The following MCMBP variants were observed in gnomAD, a reference collection of about 807,000 sequenced individuals.
The protein encoded by MCMBP is minichromosome maintenance complex binding protein.
A neutral mutation model predicts 81.3 loss-of-function variants in MCMBP; 31 were observed. The ratio of observed to expected loss-of-function variants is 0.38; its 90% CI spans 0.29 to 0.51. The LOEUF (loss-of-function observed/expected upper bound fraction) is 0.51. MCMBP is among the 20% of genes least tolerant of loss of function. MCMBP has a pLI of 0.87. For synonymous variants in MCMBP, 267 were observed against 275.9 expected, an observed-to-expected ratio of 0.97 and a Z score of 0.32; for missense variants, 645 against 772.1, an observed-to-expected ratio of 0.84 and a Z score of 1.95.
At chr10:119,839,772 T>C (rs1198119279) in intron 11 of MCMBP, among the ~76,000 whole-genome samples, 2 of 152,212 alleles carry the variant, frequency 1.3e-5, no homozygotes, top group Admixed American at 6.5e-5. Flanking sequence ...GAAAATCTCA[T>C]GTGGACAGTT....
At chr10:119,858,779 T>A in intron 4 of MCMBP, 105 bp downstream of exon 4, 1 of 888,910 alleles carries the variant, frequency 1.1e-6, no homozygotes, top group Non-Finnish European at 1.7e-6. Flanking sequence ...CATGATTTCT[T>A]GTAACTTATA....
At chr10:119,835,038 G>C (rs1852191463) in intron 14 of MCMBP, among the ~76,000 whole-genome samples, 1 of 152,174 alleles carries the variant, frequency 6.6e-6, no homozygotes, top group South Asian at 2.1e-4. Flanking sequence ...AAATAGTACA[G>C]AAGTCTTTTC....
chr10:119,841,072 T>C lies in MCMBP; in HGVS notation c.1125-112A>G, dbSNP rs557603452. On this transcript the variant is annotated intron_variant, in intron 10 of 15. Coordinates refer to ENST00000369077, the MANE Select transcript of MCMBP (RefSeq NM_001256378.2). ...TATTGTCATTAAAAATAAACCAGAA[T>C]ATTCTGACCAGTTATTTTATCAGAA... 1.0e-5 allele frequency: 7 copies of C among 702,820 alleles called. No individual in the cohort carries two copies. In the Admixed American group the frequency reaches 1.5e-4, roughly 15 times the overall value. 43.5% of individuals were successfully genotyped at this position (702,820 alleles called of 1,614,324 possible). A position where few individuals can be genotyped will look rare whatever the true frequency, so the allele number is the denominator to read the frequency against.
intron 1 of MCMBP, among the ~76,000 whole-genome samples, chr10:119,870,940 C>G (rs1400168558): frequency 6.6e-6 from 1 of 152,180 alleles, no homozygotes; most frequent in Non-Finnish European, 1.5e-5. Context: ...TAAGTTACAT[C>G]CTTCCTGTAC....
chr10:119,867,743 T>C (rs191660246), intron 1 of MCMBP, among the ~76,000 whole-genome samples: 199 of 152,330 alleles, frequency 1.3e-3, no homozygotes, highest in African/African-American at 4.4e-3. Flanking sequence ...TCCTGCTAGC[T>C]TTCCAGTTCC....
chr10:119,838,806 T>C (rs2134346728), intron 11 of MCMBP, 106 bp from the exon 12 acceptor site: 2 of 1,030,912 alleles, frequency 1.9e-6, no homozygotes, highest in East Asian at 5.3e-5. Context: ...AGTGATCTTA[T>C]AAATTTCTAA....
chr10:119,851,337 G>GT (rs1409063109), intron 6 of MCMBP, among the ~76,000 whole-genome samples: 8 of 152,244 alleles, frequency 5.3e-5, no homozygotes, highest in East Asian at 3.9e-4. Context: ...AACAAGAATG[G>GT]TAAGAAATAA....
intron 14 of MCMBP, among the ~76,000 whole-genome samples, chr10:119,834,912 C>A (rs896202290): frequency 6.9e-6 from 1 of 145,032 alleles, no homozygotes; most frequent in Admixed American, 6.9e-5. Flanking sequence ...ACCTGCCATG[C>A]AAGAAACACT....
chr10:119,856,091 G>A (rs888617430), intron 5 of MCMBP, among the ~76,000 whole-genome samples: 2 of 151,984 alleles, frequency 1.3e-5, no homozygotes, highest in African/African-American at 4.8e-5. Flanking sequence ...GCATGGTGGC[G>A]TGTGCCTGTA....
intron 1 of MCMBP, among the ~76,000 whole-genome samples, chr10:119,870,939 T>C (rs1299810528): frequency 6.6e-6 from 1 of 152,214 alleles, no homozygotes; most frequent in Non-Finnish European, 1.5e-5. Flanking sequence ...CTAAGTTACA[T>C]CCTTCCTGTA....
At chr10:119,867,759 C>G (rs537192703) in intron 1 of MCMBP, among the ~76,000 whole-genome samples, 1 of 152,172 alleles carries the variant, frequency 6.6e-6, no homozygotes, top group Non-Finnish European at 1.5e-5. Flanking sequence ...GTTCCTGATT[C>G]CACTCAGTCT....
upstream of MCMBP, among the ~76,000 whole-genome samples, chr10:119,873,043 C>A (rs1050100640): frequency 6.6e-6 from 1 of 151,830 alleles, no homozygotes; most frequent in Non-Finnish European, 1.5e-5. Context: ...CCCGGCGACG[C>A]GCTCCAAGGG....
intron 8 of MCMBP, among the ~76,000 whole-genome samples, chr10:119,843,797 G>C (rs1487792842): frequency 6.6e-6 from 1 of 152,128 alleles, no homozygotes. Context: ...GAGTAGCTGA[G>C]ATTACAGGTG....
At chr10:119,859,580 G>C (rs1853176897) in intron 2 of MCMBP, among the ~76,000 whole-genome samples, 1 of 152,186 alleles carries the variant, frequency 6.6e-6, no homozygotes, top group African/African-American at 2.4e-5. Flanking sequence ...GTCTCAGGAA[G>C]TAACAGTCAG....
intron 6 of MCMBP, among the ~76,000 whole-genome samples, chr10:119,852,288 G>C (rs931087372): frequency 6.6e-6 from 1 of 151,514 alleles, no homozygotes; most frequent in Non-Finnish European, 1.5e-5. Flanking sequence ...GAAGTGGATA[G>C]CACATACTCG....
chr10:119,870,642 G>A (rs1434184302), intron 1 of MCMBP, among the ~76,000 whole-genome samples: 4 of 152,008 alleles, frequency 2.6e-5, no homozygotes. Flanking sequence ...TCTGTACAAT[G>A]CATATGCATT....
At chr10:119,873,019 T>C (rs930762038), upstream of MCMBP, among the ~76,000 whole-genome samples, 14 of 151,724 alleles carry the variant, frequency 9.2e-5, no homozygotes, top group Admixed American at 2.0e-4. Flanking sequence ...CGCTGGAGGC[T>C]GCGCAGCGCG....
At position 119,836,908 on chromosome 10, in the gene MCMBP, C is replaced by A. The variant is rs200436675; in HGVS notation, c.1530G>T (p.Arg510Ser). 3.6e-5 allele frequency: 58 copies of A among 1,610,476 alleles called. No homozygotes were observed. Among genetic ancestry groups the A allele is most frequent in the Non-Finnish European group, 4.2e-5 (49 of 1,178,262 alleles). The change falls in exon 13 of 16, where the codon AGG (arginine) becomes AGT (serine). Residue 510 changes from arginine to serine, a missense_variant. Physicochemically the swap from Arg to Ser is moderately radical, Grantham distance 110 (BLOSUM62 -1). Coordinates refer to ENST00000369077, the MANE Select transcript of MCMBP (RefSeq NM_001256378.2). ...NINVFITSEG[R>S]SLLPADCQIH... is the part of the protein sequence containing the mutation. ...TGACTCATCATACCGGGAGGAGTGA[C>A]CTCCCCTCCGAAGTAATGAAAACGT...
intron 6 of MCMBP, among the ~76,000 whole-genome samples, chr10:119,850,392 G>C (rs1022971909): frequency 6.6e-6 from 1 of 152,050 alleles, no homozygotes; most frequent in Non-Finnish European, 1.5e-5. Context: ...GAGAGATCTG[G>C]GTAATGAAAT....
Sources: gnomAD v4.1 joint callset for allele counts (sites outside exome capture counted in the v4.1 genomes callset) on GRCh38, gnomAD v4.1.1 for gene constraint, MANE v1.5 for transcripts, NCBI Gene and HGNC (gene_info 2026-07-23, HGNC 2026-07-21) for gene names.